The following CWF19L2 variants were observed in gnomAD, a reference collection of about 807,000 sequenced individuals.
CWF19L2 encodes the protein CWF19-like protein 2.
A neutral mutation model predicts 111.7 loss-of-function variants in CWF19L2; 98 were observed. That is an observed-to-expected ratio of 0.88 (90% confidence interval 0.75 to 1.04). CWF19L2 has a LOEUF of 1.04. Among genes scored for constraint, CWF19L2 ranks in the 50% least tolerant of loss-of-function variants. The pLI is 0.00. For missense variants in CWF19L2, 1,101 were observed against 1,051.4 expected (o/e 1.05, Z -0.65); for synonymous variants, 351 against 342.9 (o/e 1.02, Z -0.26).
In CWF19L2 at chr11:107,404,333, G is replaced by A. The variant is rs1861048695; in HGVS notation, c.1618-11438C>T. 8.9e-6 allele frequency: 7 copies of A among 789,654 alleles called. No homozygotes were observed. In the Admixed American group the frequency reaches 1.0e-4, roughly 11 times the overall value. 48.9% of individuals were successfully genotyped at this position (789,654 alleles called of 1,614,324 possible). A position where few individuals can be genotyped will look rare whatever the true frequency, so the allele number is the denominator to read the frequency against. Reference sequence around the variant, plus strand: ...CCACAACTTTAGGTCAGGGTTGGAAGCCTTTACTTGGTCCCAGACCTTTCA... The same window carrying A: ...CCACAACTTTAGGTCAGGGTTGGAAACCTTTACTTGGTCCCAGACCTTTCA... On this transcript the variant is annotated intron_variant, in intron 10 of 17. Coordinates refer to ENST00000282251, the MANE Select transcript of CWF19L2 (RefSeq NM_152434.3).
At chr11:107,424,015 G>A (rs569135809) in intron 8 of CWF19L2, among the ~76,000 whole-genome samples, 22 of 151,792 alleles carry the variant, frequency 1.4e-4, no homozygotes, top group African/African-American at 5.1e-4. Context: ...ACTAGAAGTT[G>A]TTTCTTTATA....
rs1860120455 is a variant in CWF19L2 at position 107,349,005 on chromosome 11, G to A, written c.2134C>T (p.Leu712=). ...CTATGGTGCTGCAAAGGGACTATCA[G>A]GCAGTGCCCCTCAGTAAGAGACCGT... is the stretch of plus-strand genomic sequence containing the variant. The part of the protein sequence containing the change: ...NVRSLTEGHC[L]IVPLQHHRAA... The change falls in exon 14 of 18, where the codon CTG becomes TTG. Residue 712 remains leucine, a synonymous_variant. Transcript: ENST00000282251. The A allele has an allele frequency of 9.3e-6, 15 of 1,610,912 alleles. No homozygotes were observed. In the East Asian group the frequency reaches 3.4e-4, roughly 36 times the overall value.
Position 107,368,500 on chromosome 11 carries a change from C to A in CWF19L2, c.1873-14764G>T, listed in dbSNP as rs1465162388. 4.4e-5 allele frequency among the ~76,000 whole-genome samples: 6 copies of A among 137,732 alleles called. 1 individual carries two copies. The highest frequency in any genetic ancestry group is 9.3e-5 in the Non-Finnish European group (6 of 64,206). The allele number at this position is 137,732 out of a possible 152,430, so 90.4% of individuals were successfully genotyped here. On this transcript the variant is annotated intron_variant, in intron 12 of 17. Coordinates refer to ENST00000282251, the MANE Select transcript of CWF19L2 (RefSeq NM_152434.3). Reference sequence around the variant, plus strand: ...TCTGGCATACACATCCACTTGCCGTCACAGTAACTACTAAACTTCATGAAT... The same window carrying A: ...TCTGGCATACACATCCACTTGCCGTAACAGTAACTACTAAACTTCATGAAT...
chr11:107,362,233 G>T (rs1207662408), intron 12 of CWF19L2, among the ~76,000 whole-genome samples: 1 of 151,870 alleles, frequency 6.6e-6, no homozygotes, highest in Non-Finnish European at 1.5e-5. Flanking sequence ...CAAGGCGGCA[G>T]CGAGGCAGGG....
Position 107,436,635 on chromosome 11 carries a change from A to C in CWF19L2, c.664+2455T>G, listed in dbSNP as rs530620965. Among the ~76,000 whole-genome samples the C allele has an allele frequency of 6.0e-4, 92 of 152,316 alleles. 1 individual carries two copies. Among genetic ancestry groups the C allele is most frequent in the African/African-American group, 2.2e-3 (90 of 41,578 alleles). The stretch of plus-strand genomic sequence containing the variant: ...TCTTTTCAACTCACATTCTAGCAGA[A>C]AAAGCCAAAAAATAAAAAGGGGGAA... On this transcript the variant is annotated intron_variant, in intron 6 of 17. Transcript: ENST00000282251.
intron 12 of CWF19L2, among the ~76,000 whole-genome samples, chr11:107,380,250 T>A (rs1860665044): frequency 6.6e-6 from 1 of 152,074 alleles, no homozygotes; most frequent in Non-Finnish European, 1.5e-5. Flanking sequence ...CCATTTCAAA[T>A]TTTATGACAA....
intron 12 of CWF19L2, among the ~76,000 whole-genome samples, chr11:107,356,855 T>A (rs1192330900): frequency 6.6e-6 from 1 of 151,984 alleles, no homozygotes; most frequent in Non-Finnish European, 1.5e-5. Context: ...CTGACCAACA[T>A]GGAGAAACCC....
At chr11:107,382,944 G>A (rs1489668904) in intron 12 of CWF19L2, among the ~76,000 whole-genome samples, 1 of 152,222 alleles carries the variant, frequency 6.6e-6, no homozygotes, top group East Asian at 1.9e-4. Flanking sequence ...AAAAACCCAA[G>A]AGGACTGGGT....
chr11:107,428,075 C>T (rs1305708102), intron 8 of CWF19L2, among the ~76,000 whole-genome samples: 2 of 152,118 alleles, frequency 1.3e-5, no homozygotes, highest in Non-Finnish European at 2.9e-5. Context: ...AATGATCATT[C>T]ACGTGTAAGT....
chr11:107,441,627 T>C lies in CWF19L2; in HGVS notation c.451-5A>G, dbSNP rs1292433976. Reference sequence around the variant, plus strand: ...AACAGTCATCCACTCATCCCTCTGTTAAAAAAAAAGACATAAAATCAACAG... The same window carrying C: ...AACAGTCATCCACTCATCCCTCTGTCAAAAAAAAAGACATAAAATCAACAG... On this transcript the variant is annotated splice_polypyrimidine_tract_variant and splice_region_variant and intron_variant, in intron 4 of 17. Coordinates refer to ENST00000282251, the MANE Select transcript of CWF19L2 (RefSeq NM_152434.3). 31 of 1,496,126 alleles carry C rather than the reference T, an allele frequency of 2.1e-5. No homozygotes were observed. The highest frequency in any genetic ancestry group is 2.0e-4 in the Admixed American group (8 of 40,818). 92.7% of individuals were successfully genotyped at this position (1,496,126 alleles called of 1,614,324 possible). A position where few individuals can be genotyped will look rare whatever the true frequency, so the allele number is the denominator to read the frequency against.
At chr11:107,403,764 G>T in intron 10 of CWF19L2, 1 of 913,132 alleles carries the variant, frequency 1.1e-6, no homozygotes. Context: ...TCCTCTGCCT[G>T]TGCAATCTCA....
chr11:107,355,656 T>C (rs187975486), intron 12 of CWF19L2, among the ~76,000 whole-genome samples: 1 of 152,308 alleles, frequency 6.6e-6, no homozygotes, highest in Admixed American at 6.5e-5. Context: ...CTGTAGATTA[T>C]GTAAGTTGAA....
At position 107,426,498 on chromosome 11, in the gene CWF19L2, AAG is replaced by A. The variant is rs148669309; in HGVS notation, c.1433+2299_1433+2300del. Among the ~76,000 whole-genome samples the A allele has an allele frequency of 2.5e-3, 387 of 152,040 alleles. 1 individual carries two copies. The highest frequency in any genetic ancestry group is 8.9e-3 in the African/African-American group (369 of 41,540). On this transcript the variant is annotated intron_variant, in intron 8 of 17. Transcript: ENST00000282251. Reference sequence around the variant, plus strand: ...TACAGCTATATTTAAATAGCATGCAAAGATACTCACAAAAAATTAAATGCGGA... The same window carrying A: ...TACAGCTATATTTAAATAGCATGCAAATACTCACAAAAAATTAAATGCGGA...
chr11:107,354,380 G>GTA (rs904091433), intron 12 of CWF19L2, among the ~76,000 whole-genome samples: 2 of 152,102 alleles, frequency 1.3e-5, no homozygotes, highest in Non-Finnish European at 1.5e-5. Flanking sequence ...TCTCCTGTGT[G>GTA]TATAACCTTG....
intron 3 of CWF19L2, among the ~76,000 whole-genome samples, chr11:107,451,689 T>C (rs937003338): frequency 2.0e-5 from 3 of 152,154 alleles, no homozygotes; most frequent in African/African-American, 4.8e-5. Flanking sequence ...ACAATTTCTA[T>C]GGAATAAATT....
chr11:107,338,249 T>C lies in CWF19L2; in HGVS notation c.2203-1536A>G, dbSNP rs117295567. 3.7e-3 allele frequency among the ~76,000 whole-genome samples: 560 copies of C among 152,144 alleles called. 2 individuals are homozygous for C. Among genetic ancestry groups the C allele is most frequent in the Non-Finnish European group, 6.2e-3 (419 of 68,004 alleles). On this transcript the variant is annotated intron_variant, in intron 14 of 17. Coordinates refer to ENST00000282251, the MANE Select transcript of CWF19L2 (RefSeq NM_152434.3). ...CCACCATGGCCAGCTCCTGTTACCC[T>C]TTTACAGTCACAGTCATTCCACACC... is the stretch of plus-strand genomic sequence containing the variant.
In CWF19L2 at chr11:107,334,847, G is replaced by A. The variant is rs1382487325; in HGVS notation, c.2439+34C>T. ...AATTAATAAAGATCCTGAGCACTAG[G>A]GTAATTTCTTTTACCAGGAAAAAAC... On this transcript the variant is annotated intron_variant, in intron 16 of 17. Transcript: ENST00000282251. 5 of 1,254,998 alleles carry A rather than the reference G, an allele frequency of 4.0e-6. No homozygotes were observed. The Admixed American group carries it at 6.8e-5, about 17-fold the overall frequency. The allele number at this position is 1,254,998 out of a possible 1,614,324, so 77.7% of individuals were successfully genotyped here. A position where few individuals can be genotyped will look rare whatever the true frequency, so the allele number is the denominator to read the frequency against.
At chr11:107,434,126 G>A (rs1591202633) in intron 6 of CWF19L2, among the ~76,000 whole-genome samples, 1 of 151,740 alleles carries the variant, frequency 6.6e-6, no homozygotes, top group East Asian at 1.9e-4. Flanking sequence ...CCAGGCTCAA[G>A]AAAATGAGTT....
At chr11:107,346,899 C>A (rs1326645411) in intron 14 of CWF19L2, among the ~76,000 whole-genome samples, 1 of 152,108 alleles carries the variant, frequency 6.6e-6, no homozygotes, top group Non-Finnish European at 1.5e-5. Flanking sequence ...TGGCTAGCCC[C>A]AAGAAAAAGA....
Sources: allele counts gnomAD v4.1 joint callset (sites outside exome capture counted in the v4.1 genomes callset), GRCh38; gene constraint gnomAD v4.1.1; transcripts MANE v1.5; gene names NCBI Gene and HGNC (gene_info 2026-07-23, HGNC 2026-07-21).